The following SUGT1 variants were observed in gnomAD, a reference collection of about 807,000 sequenced individuals.
SUGT1 encodes protein SGT1 homolog.
Under a neutral mutation model 56.1 loss-of-function variants are expected in SUGT1, and 15 were observed. The ratio of observed to expected loss-of-function variants is 0.27; its 90% CI spans 0.18 to 0.41. SUGT1 has a LOEUF of 0.41. Among genes scored for constraint, SUGT1 ranks in the 10% least tolerant of loss-of-function variants. SUGT1 has a pLI of 1.00. For missense variants in SUGT1, 347 were observed against 382.2 expected, an observed-to-expected ratio of 0.91 and a Z score of 0.77; for synonymous variants, 123 against 128.6, an observed-to-expected ratio of 0.96 and a Z score of 0.30.
chr13:52,687,845 T>C lies in SUGT1; in HGVS notation c.*10T>C, dbSNP rs780048582. ...ATGGAAAAAGTACTAAATAAATTAA[T>C]TTGCTCTCATCGTATTGTGTATATT... On this transcript the variant is annotated 3_prime_UTR_variant, in exon 13 of 13. Transcript: ENST00000310528. 2 of 1,568,876 alleles carry C rather than the reference T, an allele frequency of 1.3e-6. No homozygotes were observed. Among genetic ancestry groups the C allele is most frequent in the South Asian group, 1.2e-5 (1 of 83,532 alleles).
In SUGT1 at chr13:52,680,048, G is replaced by C. The variant is rs1435931946; in HGVS notation, c.793G>C (p.Glu265Gln). ...TAAATTGGTTGGTGAGATCAAAGAA[G>C]AAGAAAAGAATGAAAAGTTGGAGGG... ...WDKLVGEIKEEEKNEKLEGDA... is the reference protein window; with the variant it reads ...WDKLVGEIKEQEKNEKLEGDA... The change falls in exon 12 of 13, where the codon GAA (glutamate) becomes CAA (glutamine). Residue 265 changes from glutamate to glutamine, a missense_variant. Glu to Gln is a conservative substitution (Grantham distance 29). Coordinates refer to ENST00000310528, the MANE Select transcript of SUGT1 (RefSeq NM_006704.5). 1 of 1,600,168 alleles carries C rather than the reference G, an allele frequency of 6.2e-7. No individual in the cohort carries two copies.
At chr13:52,660,169 TGTGA>T (rs1962375235) in intron 5 of SUGT1, among the ~76,000 whole-genome samples, 1 of 152,196 alleles carries the variant, frequency 6.6e-6, no homozygotes. Context: ...ACTAAGAGGT[TGTGA>T]GTAATTTCAG....
In SUGT1 at chr13:52,664,195, T is replaced by C. The variant is rs1030823913; in HGVS notation, c.422+138T>C. Reference sequence around the variant, plus strand: ...GTTTTCTAAAATTGTGTAATAGCTTTATGTAAAGCCAATTTTAAGGCTGTT... The same window carrying C: ...GTTTTCTAAAATTGTGTAATAGCTTCATGTAAAGCCAATTTTAAGGCTGTT... On this transcript the variant is annotated intron_variant, in intron 8 of 12. Transcript: ENST00000310528. 7 of 790,988 alleles carry C rather than the reference T, an allele frequency of 8.8e-6. No homozygotes were observed. The Admixed American group carries it at 2.0e-4, about 23-fold the overall frequency. 49.0% of individuals were successfully genotyped at this position (790,988 alleles called of 1,614,324 possible). A position where few individuals can be genotyped will look rare whatever the true frequency, so the allele number is the denominator to read the frequency against.
In SUGT1 at chr13:52,697,471, T is replaced by C. The variant is rs1005756695; in HGVS notation, c.*9636T>C. On this transcript the variant is annotated 3_prime_UTR_variant, in exon 13 of 13. Transcript: ENST00000310528. ...GAGTGGAATTAGGTTTGAGCATATG[T>C]AGCAATATGGAAACAAAGAGTGAGT... The C allele has an allele frequency of 3.3e-5, 5 of 152,196 alleles. No individual in the cohort carries two copies. The highest frequency in any genetic ancestry group is 1.2e-4 in the African/African-American group (5 of 41,436). The allele number at this position is 152,196 out of a possible 1,614,324, so 9.4% of individuals were successfully genotyped here.
chr13:52,672,514 G>A (rs771302520), intron 10 of SUGT1, among the ~76,000 whole-genome samples: 1 of 152,184 alleles, frequency 6.6e-6, no homozygotes, highest in African/African-American at 2.4e-5. Context: ...AGATGTATTA[G>A]TCTGGGCTCG....
chr13:52,683,779 G>C (rs916014454), intron 12 of SUGT1, among the ~76,000 whole-genome samples: 2 of 152,174 alleles, frequency 1.3e-5, no homozygotes, highest in Non-Finnish European at 2.9e-5. Flanking sequence ...TTATAGGACT[G>C]TTCCAATTAT....
intron 12 of SUGT1, among the ~76,000 whole-genome samples, chr13:52,685,675 G>A (rs1390861022): frequency 6.6e-6 from 1 of 152,170 alleles, no homozygotes; most frequent in African/African-American, 2.4e-5. Flanking sequence ...AGCCATCTGT[G>A]CAGCAACATT....
At chr13:52,658,569 G>T in intron 4 of SUGT1, 101 bp downstream of exon 4, 3 of 1,085,442 alleles carry the variant, frequency 2.8e-6, no homozygotes, top group Non-Finnish European at 2.6e-6. Flanking sequence ...GTAAAATTCT[G>T]TATTTATACA....
In SUGT1 at chr13:52,699,585, C is replaced by T. The variant is rs550061635; in HGVS notation, c.*11750C>T. On this transcript the variant is annotated 3_prime_UTR_variant, in exon 13 of 13. Transcript: ENST00000310528. ...TTTTGGAGTTACCTCAGTAACTTAA[C>T]AGGCAGGAATATGGTTTTAATGGAA... 3.3e-5 allele frequency: 5 copies of T among 152,288 alleles called. No homozygotes were observed. Among genetic ancestry groups the T allele is most frequent in the African/African-American group, 1.2e-4 (5 of 41,558 alleles). The allele number at this position is 152,288 out of a possible 1,614,324, so 9.4% of individuals were successfully genotyped here.
rs1963838580 is a variant in SUGT1 at position 52,693,545 on chromosome 13, A to C, written c.*5710A>C. The C allele has an allele frequency of 2.0e-5, 3 of 152,320 alleles. No individual in the cohort carries two copies. The highest frequency in any genetic ancestry group is 4.4e-5 in the Non-Finnish European group (3 of 68,032). 9.4% of individuals were successfully genotyped at this position (152,320 alleles called of 1,614,324 possible). On this transcript the variant is annotated 3_prime_UTR_variant, in exon 13 of 13. Coordinates refer to ENST00000310528, the MANE Select transcript of SUGT1 (RefSeq NM_006704.5). ...TGGGATCATCCTGGCTACATTGCTT[A>C]CTAGCTGTGTGACAATGGATATAGG...
At position 52,695,662 on chromosome 13, in the gene SUGT1, C is replaced by T. The variant is rs1963908246; in HGVS notation, c.*7827C>T. On this transcript the variant is annotated 3_prime_UTR_variant, in exon 13 of 13. Transcript: ENST00000310528. ...AAGAGTTTTCAGAATTCAACCCCAGCCAAAATTTTTGGCCACATCTCTTGT... is the reference window on the plus strand; with the variant it reads ...AAGAGTTTTCAGAATTCAACCCCAGTCAAAATTTTTGGCCACATCTCTTGT... The T allele has an allele frequency of 6.6e-6, 1 of 152,188 alleles. No individual in the cohort carries two copies. The highest frequency in any genetic ancestry group is 1.5e-5 in the Non-Finnish European group (1 of 68,036). 9.4% of individuals were successfully genotyped at this position (152,188 alleles called of 1,614,324 possible).
At chr13:52,665,105 T>C (rs966654372) in intron 8 of SUGT1, among the ~76,000 whole-genome samples, 2 of 152,174 alleles carry the variant, frequency 1.3e-5, no homozygotes, top group South Asian at 4.1e-4. Context: ...CTTCATATGA[T>C]TTTAATTTTA....
In SUGT1 at chr13:52,664,054, T is replaced by A. The variant is rs1962576183; in HGVS notation, c.419T>A (p.Ile140Asn). The change falls in exon 8 of 13, where the codon ATC (isoleucine) becomes AAC (asparagine). Residue 140 changes from isoleucine to asparagine, a missense_variant. Ile to Asn is a moderately radical substitution (Grantham distance 149, BLOSUM62 -3). Coordinates refer to ENST00000310528, the MANE Select transcript of SUGT1 (RefSeq NM_006704.5). ...TCCCAGTGGACTCATCAGTCAAAAA[T>A]CAAGTGAGTGTTTCTTTTTCATAAA... is the stretch of plus-strand genomic sequence containing the variant. ...ESEVWTHQSK[I>N]KYDWYQTESQ... The A allele has an allele frequency of 1.9e-6, 3 of 1,613,006 alleles. No homozygotes were observed. Among genetic ancestry groups the A allele is most frequent in the Non-Finnish European group, 2.5e-6 (3 of 1,179,554 alleles).
Position 52,657,513 on chromosome 13 carries a change from C to T in SUGT1, c.97-19C>T. 6.2e-7 allele frequency: 1 copy of T among 1,608,136 alleles called. No homozygotes were observed. The highest frequency in any genetic ancestry group is 8.5e-7 in the Non-Finnish European group (1 of 1,176,148). On this transcript the variant is annotated intron_variant, in intron 2 of 12. Transcript: ENST00000310528. ...TTCTTACAAACTTTTACTGACGCTC[C>T]ACATGTTTGTTTTTGTAGGAGCTGA... is the stretch of plus-strand genomic sequence containing the variant.
At chr13:52,671,148 A>G (rs9316582) in intron 10 of SUGT1, among the ~76,000 whole-genome samples, 145,070 of 151,640 alleles carry the variant, frequency 0.96, 69,411 homozygotes, top group East Asian at 0.99. Flanking sequence ...GAATACATAG[A>G]TATGAGAGTT....
At chr13:52,663,046 C>T (rs750175641) in intron 6 of SUGT1, 50 bp from the exon 7 acceptor site, 62 of 1,589,620 alleles carry the variant, frequency 3.9e-5, no homozygotes, top group Non-Finnish European at 4.8e-5. Flanking sequence ...AATAACTTTG[C>T]TTAAAAATGC....
chr13:52,661,716 A>C (rs1202463495), intron 5 of SUGT1: 13 of 290,678 alleles, frequency 4.5e-5, no homozygotes, highest in Non-Finnish European at 7.4e-5. Context: ...GATTACTTAA[A>C]ATAATAGGTT....
chr13:52,686,685 GTTGT>G (rs1288489127), intron 12 of SUGT1, among the ~76,000 whole-genome samples: 1 of 152,208 alleles, frequency 6.6e-6, no homozygotes, highest in Non-Finnish European at 1.5e-5. Flanking sequence ...CACTAACACA[GTTGT>G]TTATTTTTAA....
At position 52,691,342 on chromosome 13, in the gene SUGT1, T is replaced by C. The variant is rs1963770503; in HGVS notation, c.*3507T>C. On this transcript the variant is annotated 3_prime_UTR_variant, in exon 13 of 13. Coordinates refer to ENST00000310528, the MANE Select transcript of SUGT1 (RefSeq NM_006704.5). ...CATCACAATGCTATTATGAATAATT[T>C]AGATAGAAATTTTAATTTAGTTCAG... The C allele has an allele frequency of 6.6e-6, 1 of 152,184 alleles. No homozygotes were observed. Among genetic ancestry groups the C allele is most frequent in the Non-Finnish European group, 1.5e-5 (1 of 68,044 alleles). The allele number at this position is 152,184 out of a possible 1,614,324, so 9.4% of individuals were successfully genotyped here.
Sources: gnomAD v4.1 joint callset for allele counts (sites outside exome capture counted in the v4.1 genomes callset) on GRCh38, gnomAD v4.1.1 for gene constraint, MANE v1.5 for transcripts, NCBI Gene and HGNC (gene_info 2026-07-23, HGNC 2026-07-21) for gene names.